The following ZNF473 variants were observed in gnomAD, a reference collection of about 807,000 sequenced individuals.
ZNF473 encodes zinc finger protein 100 homolog.
ZNF473 carries 4 observed loss-of-function variants against 11.1 expected under a neutral mutation model. The ratio of observed to expected loss-of-function variants is 0.36; its 90% CI spans 0.18 to 0.82. The LOEUF (loss-of-function observed/expected upper bound fraction) is 0.82, where lower values mean the gene tolerates loss of function less well. ZNF473 is among the 40% of genes least tolerant of loss of function. The pLI is 0.49. For missense variants in ZNF473, 854 were observed against 1,084.0 expected (o/e 0.79, Z 2.98); for synonymous variants, 404 against 390.4 (o/e 1.03, Z -0.41).
intron 1 of ZNF473, among the ~76,000 whole-genome samples, chr19:50,027,664 G>A (rs1352296850): frequency 6.6e-6 from 1 of 152,042 alleles, no homozygotes; most frequent in South Asian, 2.1e-4. Context: ...GTGAGGCTGC[G>A]GGGCCTTGGG....
At chr19:50,035,350 G>T (rs1015529544) in intron 2 of ZNF473, among the ~76,000 whole-genome samples, 2 of 151,864 alleles carry the variant, frequency 1.3e-5, no homozygotes, top group Non-Finnish European at 2.9e-5. Context: ...TATAGGACAG[G>T]TAGGGTAAAT....
chr19:50,045,828 A>C lies in ZNF473; in HGVS notation c.1385A>C (p.Gln462Pro), dbSNP rs773521141. ...IHTGYRPHKC[Q>P]ECVRSFSRPS... ...ACAGGCTACAGACCCCACAAATGTCAGGAATGCGTCAGGAGTTTCAGCCGG... is the reference window on the plus strand; with the variant it reads ...ACAGGCTACAGACCCCACAAATGTCCGGAATGCGTCAGGAGTTTCAGCCGG... The change falls in exon 5 of 5, where the codon CAG becomes CCG. Residue 462 changes from glutamine (Q) to proline (P), a missense_variant. Gln to Pro is a moderately conservative substitution (Grantham distance 76, BLOSUM62 -1). This residue lies in a region of ZNF473 where 668 missense variants were observed against 790.2 expected (regional missense o/e 0.85). Coordinates refer to ENST00000270617, the MANE Select transcript of ZNF473 (RefSeq NM_015428.4). 1 of 1,614,060 alleles carries C rather than the reference A, an allele frequency of 6.2e-7. No individual in the cohort carries two copies. Among genetic ancestry groups the C allele is most frequent in the Non-Finnish European group, 8.5e-7 (1 of 1,179,952 alleles).
Position 50,046,695 on chromosome 19 carries a change from T to C in ZNF473, c.2252T>C (p.Ile751Thr). The change falls in exon 5 of 5, where the codon ATT (isoleucine) becomes ACT (threonine). Residue 751 changes from isoleucine to threonine, a missense_variant. By Grantham distance (89) the Ile-to-Thr change is moderately conservative. This residue lies in a region of ZNF473 where 186 missense variants were observed against 293.8 expected (regional missense o/e 0.63). Transcript: ENST00000270617. This position sits in a 1 kb window ranked among gnomAD's most constrained non-coding sequence, Gnocchi z 5.9. The part of the protein sequence containing the change: ...LSAELVRHQR[I>T]HTGEKPYVCQ... Reference sequence around the variant, plus strand: ...GCTGAGCTTGTCCGCCACCAGAGAATTCACACTGGAGAAAAGCCTTATGTT... The same window carrying C: ...GCTGAGCTTGTCCGCCACCAGAGAACTCACACTGGAGAAAAGCCTTATGTT... 1 of 1,614,144 alleles carries C rather than the reference T, an allele frequency of 6.2e-7. No homozygotes were observed. Among genetic ancestry groups the C allele is most frequent in the South Asian group, 1.1e-5 (1 of 91,082 alleles).
At chr19:50,027,387 C>A (rs528719702) in intron 1 of ZNF473, among the ~76,000 whole-genome samples, 154 of 152,236 alleles carry the variant, frequency 1.0e-3, no homozygotes, top group African/African-American at 2.7e-3. Flanking sequence ...CATGTGGAAA[C>A]TAAGGCTTAG....
In ZNF473 at chr19:50,030,954, C is replaced by T; in HGVS notation, c.-129C>T. 1 of 1,367,108 alleles carries T rather than the reference C, an allele frequency of 7.3e-7. No homozygotes were observed. The highest frequency in any genetic ancestry group is 1.3e-5 in the South Asian group (1 of 79,982). The allele number at this position is 1,367,108 out of a possible 1,614,324, so 84.7% of individuals were successfully genotyped here. Reference sequence around the variant, plus strand: ...CATTTTGGGGGCTCGTCAGCATGGACAGCGAGTCAGCCATGGGTGGAAGGG... The same window carrying T: ...CATTTTGGGGGCTCGTCAGCATGGATAGCGAGTCAGCCATGGGTGGAAGGG... On this transcript the variant is annotated 5_prime_UTR_variant, in exon 2 of 5. Transcript: ENST00000270617.
rs1979187019 is a variant in ZNF473 at position 50,047,126 on chromosome 19, C to G, written c.*67C>G. The G allele has an allele frequency of 4.5e-6, 6 of 1,332,898 alleles. No individual in the cohort carries two copies. The East Asian group carries it at 1.4e-4, about 31-fold the overall frequency. The allele number at this position is 1,332,898 out of a possible 1,614,324, so 82.6% of individuals were successfully genotyped here. On this transcript the variant is annotated 3_prime_UTR_variant, in exon 5 of 5. Coordinates refer to ENST00000270617, the MANE Select transcript of ZNF473 (RefSeq NM_015428.4). ...TCGGATGTTGAAAGTTGGAAACTAT[C>G]CCATTGCAAGTTTCTCTCCAAATAA...
intron 2 of ZNF473, among the ~76,000 whole-genome samples, chr19:50,036,171 G>A (rs879768657): frequency 7.9e-5 from 12 of 151,566 alleles, no homozygotes; most frequent in Non-Finnish European, 1.6e-4. Context: ...TGTTGCCCAG[G>A]CTCATCTCAA....
Position 50,031,019 on chromosome 19 carries a change from C to T in ZNF473, c.-64C>T. The T allele has an allele frequency of 1.3e-6, 2 of 1,552,766 alleles. No homozygotes were observed. The highest frequency in any genetic ancestry group is 3.9e-5 in the Admixed American group (2 of 51,294). On this transcript the variant is annotated 5_prime_UTR_variant, in exon 2 of 5. Coordinates refer to ENST00000270617, the MANE Select transcript of ZNF473 (RefSeq NM_015428.4). ...CTCCCTTGTGCTTCCCACAGCCCTG[C>T]CAGCCGGGAACACGGAGGGGAAGGA...
chr19:50,035,672 T>C (rs1978388239), intron 2 of ZNF473, among the ~76,000 whole-genome samples: 1 of 152,164 alleles, frequency 6.6e-6, no homozygotes, highest in Non-Finnish European at 1.5e-5. Flanking sequence ...GCACCACTTA[T>C]TTAGCAGCTT....
Position 50,045,003 on chromosome 19 carries a change from G to A in ZNF473, c.560G>A (p.Arg187Lys), listed in dbSNP as rs750300875. 55 of 1,614,108 alleles carry A rather than the reference G, an allele frequency of 3.4e-5. No individual in the cohort carries two copies. Among genetic ancestry groups the A allele is most frequent in the Non-Finnish European group, 4.3e-5 (51 of 1,180,054 alleles). ...TLTPAKSKEY[R>K]GEFFSYSDHS... ...ACACCAGCTAAGTCTAAGGAATATAGGGGTGAGTTTTTCTCCTACTCCGAC... is the reference window on the plus strand; with the variant it reads ...ACACCAGCTAAGTCTAAGGAATATAAGGGTGAGTTTTTCTCCTACTCCGAC... The change falls in exon 5 of 5, where the codon AGG becomes AAG. Residue 187 changes from arginine to lysine, a missense_variant. Physicochemically the swap from Arg to Lys is conservative, Grantham distance 26. This residue lies in a region of ZNF473 where 668 missense variants were observed against 790.2 expected (regional missense o/e 0.85). Transcript: ENST00000270617.
Position 50,046,285 on chromosome 19 carries a change from T to C in ZNF473, c.1842T>C (p.Ser614=), listed in dbSNP as rs748362677. The C allele has an allele frequency of 8.1e-6, 13 of 1,614,102 alleles. No individual in the cohort carries two copies. The highest frequency in any genetic ancestry group is 3.3e-4 in the Middle Eastern group (2 of 6,062). The part of the protein sequence containing the change: ...TRLIHHQRIH[S]RVRLYKWGEQ... ...TCATTCACCATCAAAGAATCCACTCTAGAGTGAGGCTGTATAAATGGGGTG... is the reference window on the plus strand; with the variant it reads ...TCATTCACCATCAAAGAATCCACTCCAGAGTGAGGCTGTATAAATGGGGTG... Residue 614 remains serine (S), a synonymous_variant, in exon 5 of 5, where the codon TCT becomes TCC. Transcript: ENST00000270617. The surrounding 1 kb of genome is among the most constrained non-coding windows in gnomAD (Gnocchi z 5.9).
At chr19:50,036,275 A>T (rs1315090076) in intron 2 of ZNF473, among the ~76,000 whole-genome samples, 1 of 150,510 alleles carries the variant, frequency 6.6e-6, no homozygotes, top group Non-Finnish European at 1.5e-5. Flanking sequence ...AAACTCCTTG[A>T]AATTTAATCC....
At chr19:50,033,780 C>T (rs1359642292) in intron 2 of ZNF473, among the ~76,000 whole-genome samples, 3 of 152,130 alleles carry the variant, frequency 2.0e-5, no homozygotes, top group African/African-American at 7.2e-5. Context: ...TTCATTGGCT[C>T]CTGGCCGCAT....
rs371660105 is a variant in ZNF473, at chr19:50,045,161, C to A, written c.718C>A (p.Gln240Lys). The A allele has an allele frequency of 8.1e-6, 13 of 1,614,098 alleles. No individual in the cohort carries two copies. The highest frequency in any genetic ancestry group is 1.1e-5 in the Non-Finnish European group (13 of 1,180,056). The change falls in exon 5 of 5, where the codon CAA becomes AAA. Residue 240 changes from glutamine to lysine, a missense_variant. By Grantham distance (53) the Gln-to-Lys change is moderately conservative. Around this residue, in one of 2 missense-constraint regions of ZNF473, gnomAD observed 668 missense variants for 790.2 expected, o/e 0.85. Transcript: ENST00000270617. ...THTREKPTVH[Q>K]ECEQGFDRNA... is the part of the protein sequence containing the mutation. ...TACTAGGGAGAAACCCACTGTCCAT[C>A]AAGAGTGTGAGCAAGGTTTTGACCG...
intron 2 of ZNF473, among the ~76,000 whole-genome samples, chr19:50,031,501 G>T (rs2077317761): frequency 6.6e-6 from 1 of 152,126 alleles, no homozygotes; most frequent in Admixed American, 6.6e-5. Context: ...CCCTCTGCTG[G>T]AATTCCCTGC....
chr19:50,045,715 T>A lies in ZNF473; in HGVS notation c.1272T>A (p.Val424=). ...CTACCCTAAAGATCCATCAGAGGGT[T>A]CACAGTGGAGAGAAGCCTTACAAAT... is the stretch of plus-strand genomic sequence containing the variant. ...HNSTLKIHQR[V]HSGEKPYKCS... The change falls in exon 5 of 5, where the codon GTT becomes GTA. Residue 424 remains valine, a synonymous_variant. Coordinates refer to ENST00000270617, the MANE Select transcript of ZNF473 (RefSeq NM_015428.4). 1 of 1,614,084 alleles carries A rather than the reference T, an allele frequency of 6.2e-7. No homozygotes were observed. The highest frequency in any genetic ancestry group is 1.1e-5 in the South Asian group (1 of 91,074).
At chr19:50,040,254 G>T (rs1978697175) in intron 3 of ZNF473, among the ~76,000 whole-genome samples, 1 of 152,208 alleles carries the variant, frequency 6.6e-6, no homozygotes, top group Non-Finnish European at 1.5e-5. Flanking sequence ...TTCTCTCAGG[G>T]GAGTCACATG....
intron 2 of ZNF473, among the ~76,000 whole-genome samples, chr19:50,032,808 G>T (rs1021524059): frequency 6.6e-6 from 1 of 152,168 alleles, no homozygotes. Context: ...GCAGATGGTG[G>T]CCAGCTTTGG....
chr19:50,039,205 A>G lies in ZNF473; in HGVS notation c.54A>G (p.Gly18=). Residue 18 remains glycine, a synonymous_variant, in exon 3 of 5, where the codon GGA becomes GGG. Transcript: ENST00000270617. This position sits in a 1 kb window ranked among gnomAD's most constrained non-coding sequence, Gnocchi z 4.8. ...ATGTCGGCATGGACTTCACCTTGGG[A>G]GACTGGGAGCAGCTCGGGCTGGAAC... The part of the protein sequence containing the change: ...LKDVGMDFTL[G]DWEQLGLEQG... 1 of 1,614,140 alleles carries G rather than the reference A, an allele frequency of 6.2e-7. No homozygotes were observed. The highest frequency in any genetic ancestry group is 8.5e-7 in the Non-Finnish European group (1 of 1,180,016).
Sources: allele counts gnomAD v4.1 joint callset (sites outside exome capture counted in the v4.1 genomes callset), GRCh38; gene constraint gnomAD v4.1.1; regional missense constraint gnomAD v4.1.1; non-coding constraint Gnocchi (gnomAD v3.1); transcripts MANE v1.5; gene names NCBI Gene and HGNC (gene_info 2026-07-23, HGNC 2026-07-21).